DCAKD: variants seen among roughly 807,000 people sequenced by gnomAD.
DCAKD encodes dephospho-CoA kinase domain-containing protein.
Under a neutral mutation model 18.7 loss-of-function variants are expected in DCAKD, and 15 were observed. The observed-to-expected ratio is 0.80, with a 90% confidence interval of 0.54 to 1.24. The LOEUF is 1.24. Ranked by LOEUF, DCAKD falls within the 50% of genes most tolerant of loss-of-function variation. The pLI, the probability that DCAKD is intolerant of heterozygous loss-of-function variation, is 0.00. For synonymous variants in DCAKD, 130 were observed against 133.0 expected (o/e 0.98, Z 0.16); for missense variants, 301 against 322.0 (o/e 0.93, Z 0.50).
Position 45,034,388 on chromosome 17 carries a change from C to T in DCAKD, c.115G>A (p.Val39Met), listed in dbSNP as rs201742887. The T allele has an allele frequency of 7.9e-5, 128 of 1,613,650 alleles. No individual in the cohort carries two copies. Among genetic ancestry groups the T allele is most frequent in the Non-Finnish European group, 8.8e-5 (104 of 1,179,994 alleles). The part of the protein sequence containing the change: ...IDVDVMARHV[V>M]QPGYPAHRRI... ...CGGTGGGCAGGGTATCCTGGCTGCACGACTGTGGCAGGAGGAAGAAGCTGG... is the reference window on the plus strand; with the variant it reads ...CGGTGGGCAGGGTATCCTGGCTGCATGACTGTGGCAGGAGGAAGAAGCTGG... The change falls in exon 3 of 5, where the codon GTG becomes ATG. Residue 39 changes from valine (V) to methionine (M), a missense_variant and splice_region_variant. Physicochemically the swap from Val to Met is conservative, Grantham distance 21. Transcript: ENST00000651974.
chr17:45,044,692 TAAATAAA>T (rs2053524513), intron 1 of DCAKD, among the ~76,000 whole-genome samples: 1 of 5,762 alleles, frequency 1.7e-4, no homozygotes, highest in African/African-American at 1.2e-3. Context: ...ACTCCATCAA[TAAATAAA>T]TAAATAAATA....
intron 2 of DCAKD, 108 bp from the exon 3 acceptor site, chr17:45,034,498 G>T: frequency 7.6e-7 from 1 of 1,318,110 alleles, no homozygotes; most frequent in Non-Finnish European, 1.1e-6. Flanking sequence ...CTTCTTTCAG[G>T]TGGAGCAAAA....
chr17:45,030,307 G>T, intron 3 of DCAKD, 128 bp from the exon 4 acceptor site: 1 of 767,340 alleles, frequency 1.3e-6, no homozygotes, highest in Non-Finnish European at 2.3e-6. Flanking sequence ...CACATACCCT[G>T]CACACTGGCC....
chr17:45,034,979 C>G lies in DCAKD; in HGVS notation c.-94G>C. The G allele has an allele frequency of 7.5e-7, 1 of 1,333,516 alleles. No individual in the cohort carries two copies. The highest frequency in any genetic ancestry group is 1.3e-5 in the South Asian group (1 of 78,394). 82.6% of individuals were successfully genotyped at this position (1,333,516 alleles called of 1,614,324 possible). Reference sequence around the variant, plus strand: ...AAGTGTGGCCGATGGGGGCGGTCCACCAGAGGAGTGCCAGAAGGACCTGCT... The same window carrying G: ...AAGTGTGGCCGATGGGGGCGGTCCAGCAGAGGAGTGCCAGAAGGACCTGCT... On this transcript the variant is annotated 5_prime_UTR_variant, in exon 2 of 5. Coordinates refer to ENST00000651974, the MANE Select transcript of DCAKD (RefSeq NM_001288655.2).
chr17:45,048,137 C>G (rs1438122127), intron 1 of DCAKD, among the ~76,000 whole-genome samples: 2 of 151,892 alleles, frequency 1.3e-5, no homozygotes, highest in African/African-American at 2.4e-5. Flanking sequence ...GCATATAATC[C>G]CAGCACTTTG....
At chr17:45,047,268 G>A (rs906475807) in intron 1 of DCAKD, among the ~76,000 whole-genome samples, 1 of 151,882 alleles carries the variant, frequency 6.6e-6, no homozygotes, top group Non-Finnish European at 1.5e-5. Flanking sequence ...GATACATGAG[G>A]TTTAAAAAGC....
intron 4 of DCAKD, among the ~76,000 whole-genome samples, chr17:45,025,454 A>G (rs759614685): frequency 9.2e-5 from 14 of 151,896 alleles, no homozygotes; most frequent in Non-Finnish European, 2.1e-4. Flanking sequence ...AAGTCTCCCA[A>G]CTCCAAGAGA....
In DCAKD at chr17:45,028,961, T is replaced by C. The variant is rs535266068; in HGVS notation, c.404+1131A>G. Among the ~76,000 whole-genome samples, 8 of 152,194 alleles carry C rather than the reference T, an allele frequency of 5.3e-5. No homozygotes were observed. In the East Asian group the frequency reaches 1.3e-3, roughly 26 times the overall value. ...CTCAGGTAATCCACCCACCTCGGCC[T>C]CCCAAAGTGCTGGGATTACAGGCGT... On this transcript the variant is annotated intron_variant, in intron 4 of 4. Transcript: ENST00000651974.
rs182298404 is a variant in DCAKD, at chr17:45,058,721, C to T, written c.-118+2167G>A. On this transcript the variant is annotated intron_variant, in intron 1 of 4. Transcript: ENST00000310604. Reference sequence around the variant, plus strand: ...ACTGGCATAAGCCCCAGCGCCTGGCCTGGCTTTATTATTCTTCTTCTTACC... The same window carrying T: ...ACTGGCATAAGCCCCAGCGCCTGGCTTGGCTTTATTATTCTTCTTCTTACC... 4.6e-5 allele frequency among the ~76,000 whole-genome samples: 7 copies of T among 152,182 alleles called. No homozygotes were observed. In the East Asian group the frequency reaches 1.2e-3, roughly 25 times the overall value.
chr17:45,024,235 T>C lies in DCAKD; in HGVS notation c.*198A>G, dbSNP rs903160442. On this transcript the variant is annotated 3_prime_UTR_variant, in exon 5 of 5. Coordinates refer to ENST00000651974, the MANE Select transcript of DCAKD (RefSeq NM_001288655.2). ...TTTCTTGATCTCAAATAGGATACACTCCAAAGACGGGATGGCCTGGCACAG... is the reference window on the plus strand; with the variant it reads ...TTTCTTGATCTCAAATAGGATACACCCCAAAGACGGGATGGCCTGGCACAG... 14 of 672,966 alleles carry C rather than the reference T, an allele frequency of 2.1e-5. No individual in the cohort carries two copies. The highest frequency in any genetic ancestry group is 3.4e-5 in the Non-Finnish European group (14 of 417,678). 41.7% of individuals were successfully genotyped at this position (672,966 alleles called of 1,614,324 possible). A position where few individuals can be genotyped will look rare whatever the true frequency, so the allele number is the denominator to read the frequency against.
intron 3 of DCAKD, among the ~76,000 whole-genome samples, chr17:45,033,376 C>T (rs926420661): frequency 6.6e-6 from 1 of 152,196 alleles, no homozygotes; most frequent in Non-Finnish European, 1.5e-5. Context: ...TCAGCCAGAA[C>T]CAAACCTGCC....
At chr17:45,029,097 T>C (rs1297295924) in intron 4 of DCAKD, among the ~76,000 whole-genome samples, 1 of 152,274 alleles carries the variant, frequency 6.6e-6, no homozygotes, top group Admixed American at 6.5e-5. Context: ...TTCGTGGGGT[T>C]TGCCTGACCT....
At chr17:45,051,159 G>A (rs2053686048) in intron 1 of DCAKD, among the ~76,000 whole-genome samples, 1 of 152,238 alleles carries the variant, frequency 6.6e-6, no homozygotes, top group Non-Finnish European at 1.5e-5. Flanking sequence ...TGAAGTGGCA[G>A]AAGCTAGATT....
intron 1 of DCAKD, among the ~76,000 whole-genome samples, chr17:45,060,303 C>G (rs1310452661): frequency 6.6e-6 from 1 of 151,156 alleles, no homozygotes; most frequent in African/African-American, 2.4e-5. Context: ...GTAGGAAGAT[C>G]CTTAGAGGCC....
intron 1 of DCAKD, among the ~76,000 whole-genome samples, chr17:45,038,688 T>C (rs1391030188): frequency 1.3e-5 from 2 of 152,166 alleles, no homozygotes; most frequent in Non-Finnish European, 2.9e-5. Flanking sequence ...AATTCCAGCC[T>C]CCCGGGTTAC....
At chr17:45,027,642 A>G (rs1484612482) in intron 4 of DCAKD, among the ~76,000 whole-genome samples, 1 of 152,142 alleles carries the variant, frequency 6.6e-6, no homozygotes, top group Non-Finnish European at 1.5e-5. Flanking sequence ...CCACTCACCC[A>G]CCAAAACCCA....
intron 1 of DCAKD, among the ~76,000 whole-genome samples, chr17:45,050,611 C>A (rs761379468): frequency 6.6e-6 from 1 of 152,088 alleles, no homozygotes; most frequent in Non-Finnish European, 1.5e-5. Flanking sequence ...CACCCCTTTC[C>A]CCAGGCCTAT....
intron 3 of DCAKD, chr17:45,031,988 G>C: frequency 1.0e-6 from 1 of 985,454 alleles, no homozygotes. Context: ...TTATTTAAGT[G>C]GTGGTGGTTG....
At chr17:45,052,147 C>G (rs2053721377), upstream of DCAKD, among the ~76,000 whole-genome samples, 1 of 151,768 alleles carries the variant, frequency 6.6e-6, no homozygotes, top group African/African-American at 2.4e-5. Context: ...GGCCCCGGAG[C>G]ACGGCACAGA....
Sources: allele counts gnomAD v4.1 joint callset (sites outside exome capture counted in the v4.1 genomes callset), GRCh38; gene constraint gnomAD v4.1.1; transcripts MANE v1.5; gene names NCBI Gene and HGNC (gene_info 2026-07-23, HGNC 2026-07-21).